CALN1: variants seen among roughly 807,000 people sequenced by gnomAD.
CALN1 encodes calneuron 1, also known as calcium-binding protein 8.
Under a neutral mutation model 30.6 loss-of-function variants are expected in CALN1, and 17 were observed. The ratio of observed to expected loss-of-function variants is 0.56; its 90% CI spans 0.38 to 0.83. The LOEUF (loss-of-function observed/expected upper bound fraction) is 0.83. Ranked by LOEUF, CALN1 falls within the 40% of genes least tolerant of loss-of-function variation. The pLI, the probability that CALN1 is intolerant of heterozygous loss-of-function variation, is 0.00. For synonymous variants in CALN1, 156 were observed against 131.4 expected, an observed-to-expected ratio of 1.19 and a Z score of -1.28; for missense variants, 291 against 354.9, an observed-to-expected ratio of 0.82 and a Z score of 1.45.
chr7:72,374,703 G>A (rs1804448071), intron 2 of CALN1, among the ~76,000 whole-genome samples: 1 of 152,102 alleles, frequency 6.6e-6, no homozygotes. Context: ...ACAAGGAAAT[G>A]GTATCCCCTT....
chr7:72,293,977 A>G (rs533937087), intron 2 of CALN1, among the ~76,000 whole-genome samples: 1 of 152,254 alleles, frequency 6.6e-6, no homozygotes, highest in Non-Finnish European at 1.5e-5. Context: ...GCACACCTGT[A>G]ATCCCAGCTA....
At chr7:72,316,659 G>A (rs1240090261) in intron 2 of CALN1, among the ~76,000 whole-genome samples, 1 of 152,030 alleles carries the variant, frequency 6.6e-6, no homozygotes, top group Admixed American at 6.6e-5. Context: ...TTTTAGGCCG[G>A]GGGCAGTGTC....
intron 2 of CALN1, among the ~76,000 whole-genome samples, chr7:72,297,031 T>C (rs1046895383): frequency 2.6e-5 from 4 of 152,148 alleles, no homozygotes; most frequent in African/African-American, 9.7e-5. Flanking sequence ...GGTGTCAATT[T>C]TGGATCTTTC....
At chr7:71,996,062 C>G (rs1406302879) in intron 5 of CALN1, among the ~76,000 whole-genome samples, 1 of 152,100 alleles carries the variant, frequency 6.6e-6, no homozygotes, top group Non-Finnish European at 1.5e-5. Context: ...CTGTATAAAC[C>G]AGGCTGGCTA....
rs567757949 is a variant in CALN1 at position 71,996,153 on chromosome 7, C to T, written c.501+27504G>A. On this transcript the variant is annotated intron_variant, in intron 5 of 6. Transcript: ENST00000395275. The stretch of plus-strand genomic sequence containing the variant: ...AAGTATACCAGAATCTAAACCTAAA[C>T]GAGGTGACTAAACCTAAACATGACT... Among the ~76,000 whole-genome samples, 51 of 152,194 alleles carry T rather than the reference C, an allele frequency of 3.4e-4. 1 individual carries two copies. In the South Asian group the frequency reaches 1.0e-2, roughly 30 times the overall value.
At chr7:72,148,105 A>T (rs1056790255) in intron 3 of CALN1, among the ~76,000 whole-genome samples, 3 of 150,576 alleles carry the variant, frequency 2.0e-5, no homozygotes, top group African/African-American at 4.9e-5. Context: ...AAAAAATAAA[A>T]AAAAAAAACA....
chr7:72,036,410 C>T (rs1417254607), intron 4 of CALN1, among the ~76,000 whole-genome samples: 1 of 152,152 alleles, frequency 6.6e-6, no homozygotes, highest in Non-Finnish European at 1.5e-5. Flanking sequence ...ACCATTCTTT[C>T]TTCAAATATT....
In CALN1 at chr7:71,810,328, G is replaced by A. The variant is rs73360079; in HGVS notation, c.658+8C>T. The A allele has an allele frequency of 6.2e-7, 1 of 1,613,010 alleles. No homozygotes were observed. The highest frequency in any genetic ancestry group is 8.5e-7 in the Non-Finnish European group (1 of 1,179,482). On this transcript the variant is annotated splice_region_variant and intron_variant, in intron 6 of 6. Transcript: ENST00000395275. Reference sequence around the variant, plus strand: ...GACCGGGGAGGGGATGGCAGCAGGGGCACCTACCTCCTTCAAACTCTGTTT... The same window carrying A: ...GACCGGGGAGGGGATGGCAGCAGGGACACCTACCTCCTTCAAACTCTGTTT...
In CALN1 at chr7:72,017,300, G is replaced by A. The variant is rs1235855185; in HGVS notation, c.501+6357C>T. ...GCCTTTCCGGAAAGGTTTCTGGGGA[G>A]TAGATGCAGGTATTTTACTGCACCT... is the stretch of plus-strand genomic sequence containing the variant. On this transcript the variant is annotated intron_variant, in intron 5 of 6. Coordinates refer to ENST00000395275, the MANE Select transcript of CALN1 (RefSeq NM_031468.4). Among the ~76,000 whole-genome samples the A allele has an allele frequency of 7.2e-5, 11 of 152,120 alleles. No homozygotes were observed. The South Asian group carries it at 2.3e-3, about 32-fold the overall frequency.
At chr7:72,135,784 C>A (rs1047841738) in intron 3 of CALN1, among the ~76,000 whole-genome samples, 1 of 152,164 alleles carries the variant, frequency 6.6e-6, no homozygotes, top group South Asian at 2.1e-4. Context: ...TGAAGCCAGG[C>A]ATTGACTTCT....
At chr7:72,458,161 A>ATATTTAATATATTTATATATG in the CALN1 span, among the ~76,000 whole-genome samples, 1 of 131,930 alleles carries the variant, frequency 7.6e-6, no homozygotes, top group Non-Finnish European at 1.6e-5. Flanking sequence ...ATTTATATAT[A>ATATTTAATATATTTATATATG]TATTTTATTT....
intron 4 of CALN1, among the ~76,000 whole-genome samples, chr7:72,076,436 TAA>T (rs1344435283): frequency 2.0e-5 from 3 of 150,308 alleles, no homozygotes; most frequent in Non-Finnish European, 4.4e-5. Context: ...CCGTCTCTAC[TAA>T]AAATACAAAA....
chr7:72,201,797 C>T (rs1267932967), intron 3 of CALN1, among the ~76,000 whole-genome samples: 2 of 149,114 alleles, frequency 1.3e-5, no homozygotes, highest in Non-Finnish European at 3.0e-5. Context: ...GAACCTGGAA[C>T]CTAAATTTGG....
At chr7:72,411,899 G>T (rs923868872) in intron 1 of CALN1, among the ~76,000 whole-genome samples, 159 bp downstream of exon 1, 3 of 152,180 alleles carry the variant, frequency 2.0e-5, no homozygotes, top group African/African-American at 7.2e-5. Flanking sequence ...CTTTTAGAGA[G>T]GTATCATAAA....
intron 5 of CALN1, among the ~76,000 whole-genome samples, chr7:71,923,360 G>A (rs1209580999): frequency 6.6e-6 from 1 of 152,296 alleles, no homozygotes; most frequent in East Asian, 1.9e-4. Context: ...GGCTTCAAAG[G>A]AGAACTAGCT....
chr7:72,396,016 C>T (rs1024046404), intron 2 of CALN1, among the ~76,000 whole-genome samples: 1 of 151,674 alleles, frequency 6.6e-6, no homozygotes, highest in South Asian at 2.1e-4. Context: ...GACATCGCTC[C>T]TTCTGCTCTG....
intron 3 of CALN1, among the ~76,000 whole-genome samples, chr7:72,237,442 G>T (rs568280224): frequency 6.6e-6 from 1 of 152,122 alleles, no homozygotes; most frequent in Admixed American, 6.5e-5. Context: ...AGGGAGAGAC[G>T]ACAGGGCCAA....
At chr7:72,281,300 A>G (rs1453733477) in intron 2 of CALN1, among the ~76,000 whole-genome samples, 3 of 152,158 alleles carry the variant, frequency 2.0e-5, no homozygotes. Flanking sequence ...CAGAGATATA[A>G]GAAACAAATC....
chr7:71,912,064 G>A (rs559659822), intron 5 of CALN1, among the ~76,000 whole-genome samples: 1 of 152,084 alleles, frequency 6.6e-6, no homozygotes, highest in South Asian at 2.1e-4. Flanking sequence ...GGTGAAACGG[G>A]CTCAATCCTA....
Sources: gnomAD v4.1 joint callset for allele counts (sites outside exome capture counted in the v4.1 genomes callset) on GRCh38, gnomAD v4.1.1 for gene constraint, MANE v1.5 for transcripts, NCBI Gene and HGNC (gene_info 2026-07-23, HGNC 2026-07-21) for gene names.